ABCC5: variants seen among roughly 807,000 people sequenced by gnomAD.
The protein encoded by ABCC5 is ATP binding cassette subfamily C member 5.
ABCC5 carries 61 observed loss-of-function variants against 160.9 expected under a neutral mutation model. The ratio of observed to expected loss-of-function variants is 0.38; its 90% CI spans 0.31 to 0.47. ABCC5 has a LOEUF of 0.47. ABCC5 is among the 20% of genes least tolerant of loss of function. The probability of loss-of-function intolerance (pLI) is 0.99; values close to 1 mark genes in which losing one functional copy is unlikely to be tolerated. For missense variants in ABCC5, 1,308 were observed against 1,813.3 expected (o/e 0.72, Z 5.06); for synonymous variants, 666 against 700.6 (o/e 0.95, Z 0.78).
chr3:183,956,096 A>G (rs1399663356), intron 17 of ABCC5, among the ~76,000 whole-genome samples: 8 of 143,006 alleles, frequency 5.6e-5, no homozygotes, highest in African/African-American at 7.7e-5. Context: ...CCGTGTGTAT[A>G]TCACATCTGT....
At chr3:183,955,210 GAC>G (rs1197864794) in intron 17 of ABCC5, among the ~76,000 whole-genome samples, 1 of 152,188 alleles carries the variant, frequency 6.6e-6, no homozygotes, top group Non-Finnish European at 1.5e-5. Flanking sequence ...CCCTTCAACA[GAC>G]AGCTTTGCAG....
At chr3:183,925,519 G>A (rs374241152) in intron 29 of ABCC5, 36 bp downstream of exon 29, 27 of 1,607,516 alleles carry the variant, frequency 1.7e-5, no homozygotes, top group Non-Finnish European at 2.3e-5. Context: ...TTTCCTCCCA[G>A]ACATGCCAAG....
At position 183,949,220 on chromosome 3, in the gene ABCC5, C is replaced by T. The variant is rs1715120705; in HGVS notation, c.3227+533G>A. The stretch of plus-strand genomic sequence containing the variant: ...TCCTATATTGAAGAACATTTTAGTT[C>T]CAATCTCTTATTAATACAAAGCTCC... On this transcript the variant is annotated intron_variant, in intron 22 of 29. Transcript: ENST00000334444. This position sits in a 1 kb window ranked among gnomAD's most constrained non-coding sequence, Gnocchi z 4.2. Among the ~76,000 whole-genome samples, 2 of 152,146 alleles carry T rather than the reference C, an allele frequency of 1.3e-5. No individual in the cohort carries two copies. Among genetic ancestry groups the T allele is most frequent in the Admixed American group, 1.3e-4 (2 of 15,274 alleles).
At chr3:183,972,374 C>T (rs1050913664) in intron 10 of ABCC5, among the ~76,000 whole-genome samples, 7 of 152,192 alleles carry the variant, frequency 4.6e-5, no homozygotes, top group African/African-American at 1.7e-4. Context: ...ACACTCACAG[C>T]GCCGCATGTA....
rs553406210 is a variant in ABCC5 at position 184,014,566 on chromosome 3, G to C, written c.-55-119C>G. 4 of 462,796 alleles carry C rather than the reference G, an allele frequency of 8.6e-6. No homozygotes were observed. The Admixed American group carries it at 1.9e-4, about 22-fold the overall frequency. The allele number at this position is 462,796 out of a possible 1,614,324, so 28.7% of individuals were successfully genotyped here. ...GGCAAAAGTACTAAAGCTTTCTACTGTTATAGCTACAAAAATTAATTTTCA... is the reference window on the plus strand; with the variant it reads ...GGCAAAAGTACTAAAGCTTTCTACTCTTATAGCTACAAAAATTAATTTTCA... On this transcript the variant is annotated intron_variant, in intron 1 of 29. Transcript: ENST00000334444.
Position 183,988,744 on chromosome 3 carries a change from G to T in ABCC5, c.288-17C>A. 1 of 1,610,594 alleles carries T rather than the reference G, an allele frequency of 6.2e-7. No homozygotes were observed. Among genetic ancestry groups the T allele is most frequent in the East Asian group, 2.2e-5 (1 of 44,854 alleles). ...TGCTGGTGTCTAAGGAGAGAAAACC[G>T]AAATCACAAAGCTATCAACACGCAC... is the stretch of plus-strand genomic sequence containing the variant. On this transcript the variant is annotated splice_polypyrimidine_tract_variant and intron_variant, in intron 3 of 29. Transcript: ENST00000334444. The surrounding 1 kb of genome is among the most constrained non-coding windows in gnomAD (Gnocchi z 4.4).
At chr3:184,010,798 CTTT>C (rs55882083) in intron 2 of ABCC5, among the ~76,000 whole-genome samples, 2 of 136,610 alleles carry the variant, frequency 1.5e-5, no homozygotes. Context: ...CATTCTTCTT[CTTT>C]TTTTTTTTTT....
intron 17 of ABCC5, among the ~76,000 whole-genome samples, chr3:183,956,603 T>G (rs2108806493): frequency 6.6e-6 from 1 of 151,146 alleles, no homozygotes; most frequent in South Asian, 2.1e-4. Flanking sequence ...CAGATCCGTG[T>G]GTATATCACA....
chr3:183,922,680 T>C (rs796712108), intron 29 of ABCC5, among the ~76,000 whole-genome samples: 15 of 152,336 alleles, frequency 9.8e-5, no homozygotes, highest in African/African-American at 3.4e-4. Flanking sequence ...CTGAAATGCA[T>C]GTACTCAACT....
At position 183,945,860 on chromosome 3, in the gene ABCC5, T is replaced by C; in HGVS notation, c.3494A>G (p.His1165Arg). ...CTACAGCAGTCTGACCTTAATGTAG[T>C]GATTGATCCTCTCCACCGAGGTGAA... is the stretch of plus-strand genomic sequence containing the variant. Reference protein sequence around the residue: ...ARFTSVERINHYIKTLSLEAP... With the variant: ...ARFTSVERINRYIKTLSLEAP... Residue 1165 changes from histidine (H) to arginine (R), a missense_variant, in exon 24 of 30, where the codon CAC (histidine) becomes CGC (arginine). His to Arg is a conservative substitution (Grantham distance 29). Coordinates refer to ENST00000334444, the MANE Select transcript of ABCC5 (RefSeq NM_005688.4). 1 of 1,614,006 alleles carries C rather than the reference T, an allele frequency of 6.2e-7. No individual in the cohort carries two copies. Among genetic ancestry groups the C allele is most frequent in the South Asian group, 1.1e-5 (1 of 91,078 alleles).
chr3:183,932,234 C>A (rs915994866), intron 26 of ABCC5, among the ~76,000 whole-genome samples: 2 of 152,154 alleles, frequency 1.3e-5, no homozygotes, highest in Non-Finnish European at 2.9e-5. Context: ...AAAAGGAAAT[C>A]TTATTCTGAG....
At chr3:183,983,117 C>A in intron 5 of ABCC5, 110 bp from the exon 6 acceptor site, 1 of 1,060,298 alleles carries the variant, frequency 9.4e-7, no homozygotes, top group Non-Finnish European at 1.4e-6. Flanking sequence ...GGGACCAGTG[C>A]GCAAGCAAAG....
intron 2 of ABCC5, among the ~76,000 whole-genome samples, chr3:184,003,006 T>C (rs1330683860): frequency 6.6e-6 from 1 of 152,144 alleles, no homozygotes; most frequent in Non-Finnish European, 1.5e-5. Context: ...CTCACAACAC[T>C]GTCTTCCTCT....
rs1263705405 is a variant in ABCC5 at position 183,953,067 on chromosome 3, C to A, written c.2667+19G>T. ...CACATTCTTAGACACAGAACTTTCC[C>A]ATTTATGAGTAACCTTACCCCGCTT... is the stretch of plus-strand genomic sequence containing the variant. On this transcript the variant is annotated intron_variant, in intron 18 of 29. Coordinates refer to ENST00000334444, the MANE Select transcript of ABCC5 (RefSeq NM_005688.4). 4 of 1,604,802 alleles carry A rather than the reference C, an allele frequency of 2.5e-6. No homozygotes were observed. In the Admixed American group the frequency reaches 5.1e-5, roughly 20 times the overall value.
intron 17 of ABCC5, among the ~76,000 whole-genome samples, chr3:183,956,473 T>C (rs564555083): frequency 7.9e-5 from 12 of 151,148 alleles, no homozygotes; most frequent in Non-Finnish European, 1.3e-4. Context: ...TGCGGATCCG[T>C]GTGTATATCA....
chr3:183,938,295 T>C (rs963582355), intron 25 of ABCC5, among the ~76,000 whole-genome samples: 5 of 152,042 alleles, frequency 3.3e-5, no homozygotes, highest in African/African-American at 9.7e-5. Context: ...GAAGGGACCA[T>C]TCCATTTTCA....
intron 2 of ABCC5, among the ~76,000 whole-genome samples, chr3:183,993,770 T>C (rs969753876): frequency 1.5e-4 from 23 of 152,308 alleles, no homozygotes; most frequent in Non-Finnish European, 2.8e-4. Context: ...CCATTTTAAG[T>C]GTATAGAATT....
intron 22 of ABCC5, among the ~76,000 whole-genome samples, chr3:183,947,767 T>C (rs936907882): frequency 2.0e-5 from 3 of 152,260 alleles, no homozygotes; most frequent in Non-Finnish European, 4.4e-5. Context: ...AAAGATGTTA[T>C]GGAAAACATC....
chr3:183,981,946 T>C, intron 7 of ABCC5, 72 bp from the exon 8 acceptor site: 2 of 1,506,014 alleles, frequency 1.3e-6, no homozygotes, highest in Non-Finnish European at 1.8e-6. Context: ...CTGCTTAAGG[T>C]CATTCTCAAT....
Sources: gnomAD v4.1 joint callset for allele counts (sites outside exome capture counted in the v4.1 genomes callset) on GRCh38, gnomAD v4.1.1 for gene constraint, Gnocchi (gnomAD v3.1) non-coding constraint, MANE v1.5 for transcripts, NCBI Gene and HGNC (gene_info 2026-07-23, HGNC 2026-07-21) for gene names.